Variants in SPTLC2 observed in about 807,000 individuals in gnomAD.
SPTLC2 encodes serine palmitoyltransferase 2.
A neutral mutation model predicts 62.0 loss-of-function variants in SPTLC2; 21 were observed. That is an observed-to-expected ratio of 0.34 (90% CI 0.24 to 0.49). SPTLC2 has a LOEUF of 0.49. SPTLC2 is among the 20% of genes least tolerant of loss of function. The pLI is 0.99. For synonymous variants in SPTLC2, 261 were observed against 261.8 expected (o/e 1.00, Z 0.03); for missense variants, 511 against 713.0 (o/e 0.72, Z 3.23).
intron 8 of SPTLC2, among the ~76,000 whole-genome samples, chr14:77,553,979 A>T (rs1185655922): frequency 6.6e-6 from 1 of 151,922 alleles, no homozygotes; most frequent in African/African-American, 2.4e-5. Flanking sequence ...CACCACACCC[A>T]GCTAATTTTT....
chr14:77,550,882 AG>A (rs1470395257), intron 9 of SPTLC2, among the ~76,000 whole-genome samples: 2 of 149,536 alleles, frequency 1.3e-5, no homozygotes, highest in African/African-American at 4.9e-5. Flanking sequence ...CCAGCCCGGG[AG>A]ACAGAGCAAG....
chr14:77,535,846 A>C, intron 9 of SPTLC2: 1 of 391,026 alleles, frequency 2.6e-6, no homozygotes, highest in South Asian at 1.8e-5. Flanking sequence ...CAGAAATCTA[A>C]GTCAAGTAAA....
intron 9 of SPTLC2, among the ~76,000 whole-genome samples, chr14:77,539,007 GGAT>G (rs927731522): frequency 6.6e-5 from 10 of 151,464 alleles, no homozygotes; most frequent in African/African-American, 2.2e-4. Context: ...ATGGCAATGG[GGAT>G]GATGATGATG....
intron 9 of SPTLC2, among the ~76,000 whole-genome samples, chr14:77,522,433 G>A (rs2079389228): frequency 6.6e-6 from 1 of 152,168 alleles, no homozygotes; most frequent in Admixed American, 6.5e-5. Context: ...AAAGTGCTGG[G>A]ATTACAGACA....
chr14:77,583,199 CAATAAATAAATAAATAAATA>C (rs58888587), intron 2 of SPTLC2, among the ~76,000 whole-genome samples: 1 of 132,484 alleles, frequency 7.5e-6, no homozygotes, highest in Non-Finnish European at 1.6e-5. Flanking sequence ...AAAGCTGTCT[CAATAAATAAATAAATAAATA>C]AATAAATAAA....
chr14:77,601,022 G>A lies in SPTLC2; in HGVS notation c.133-3642C>T, dbSNP rs115405904. ...CATATGTTTCCATAAGACTAAAATTGTCTCGAAGGAGACACAAGAAAATGT... is the reference window on the plus strand; with the variant it reads ...CATATGTTTCCATAAGACTAAAATTATCTCGAAGGAGACACAAGAAAATGT... On this transcript the variant is annotated intron_variant, in intron 1 of 11. Transcript: ENST00000216484. Among the ~76,000 whole-genome samples, 1,457 of 152,266 alleles carry A rather than the reference G, an allele frequency of 9.6e-3. 20 individuals carry two copies. Among genetic ancestry groups the A allele is most frequent in the African/African-American group, 0.033 (1,389 of 41,556 alleles).
At chr14:77,567,248 G>A (rs532977282) in intron 5 of SPTLC2, among the ~76,000 whole-genome samples, 1 of 152,266 alleles carries the variant, frequency 6.6e-6, no homozygotes, top group African/African-American at 2.4e-5. Context: ...GAGCCACTGC[G>A]CCCGGCCCTG....
chr14:77,585,130 C>T (rs2079774176), intron 2 of SPTLC2, among the ~76,000 whole-genome samples: 1 of 152,192 alleles, frequency 6.6e-6, no homozygotes, highest in African/African-American at 2.4e-5. Context: ...AACCTCACTG[C>T]TCTCGCCCCT....
At chr14:77,613,125 A>AAT (rs1460024703) in intron 1 of SPTLC2, among the ~76,000 whole-genome samples, 2 of 152,200 alleles carry the variant, frequency 1.3e-5, no homozygotes, top group Admixed American at 1.3e-4. Flanking sequence ...TATTTCATCA[A>AAT]ATGTTAAATC....
intron 2 of SPTLC2, 34 bp downstream of exon 2, chr14:77,597,152 C>A: frequency 6.2e-7 from 1 of 1,604,864 alleles, no homozygotes; most frequent in East Asian, 2.2e-5. Flanking sequence ...TAAAAGGCTT[C>A]TATTTACAGA....
At chr14:77,543,049 C>T (rs74928751) in intron 9 of SPTLC2, among the ~76,000 whole-genome samples, 10,514 of 152,148 alleles carry the variant, frequency 0.069, 504 homozygotes, top group Admixed American at 0.15. Context: ...GACAGAAAGT[C>T]TTTTGTTTGT....
intron 9 of SPTLC2, 136 bp downstream of exon 9, chr14:77,551,960 T>C (rs550943709): frequency 7.6e-6 from 10 of 1,322,456 alleles, no homozygotes; most frequent in Admixed American, 2.0e-5. Flanking sequence ...TAAAAAAGTG[T>C]CCATGGAAAC....
intron 2 of SPTLC2, among the ~76,000 whole-genome samples, chr14:77,580,691 C>T: frequency 6.6e-6 from 1 of 152,008 alleles, no homozygotes; most frequent in East Asian, 1.9e-4. Flanking sequence ...CCACTGCACT[C>T]CAGTCTGTGC....
chr14:77,552,616 A>C (rs909459858), intron 8 of SPTLC2, among the ~76,000 whole-genome samples: 21 of 151,982 alleles, frequency 1.4e-4, no homozygotes, highest in African/African-American at 5.1e-4. Context: ...GACTGGCCTG[A>C]CCAACATGGT....
At chr14:77,575,688 C>A (rs981716185) in intron 4 of SPTLC2, among the ~76,000 whole-genome samples, 2 of 152,178 alleles carry the variant, frequency 1.3e-5, no homozygotes, top group Non-Finnish European at 1.5e-5. Flanking sequence ...TGCGCCACCA[C>A]GTTCGGCTAC....
At chr14:77,551,087 A>C (rs2079553193) in intron 9 of SPTLC2, among the ~76,000 whole-genome samples, 1 of 152,114 alleles carries the variant, frequency 6.6e-6, no homozygotes, top group South Asian at 2.1e-4. Context: ...AACTGACTTT[A>C]CAAGCATTAA....
At position 77,512,217 on chromosome 14, in the gene SPTLC2, C is replaced by A; in HGVS notation, c.*67G>T. 6.2e-7 allele frequency: 1 copy of A among 1,610,490 alleles called. No individual in the cohort carries two copies. The highest frequency in any genetic ancestry group is 1.1e-5 in the South Asian group (1 of 90,888). On this transcript the variant is annotated 3_prime_UTR_variant, in exon 12 of 12. Transcript: ENST00000216484. The stretch of plus-strand genomic sequence containing the variant: ...GGCCACAGAAGTGTGGTTCCTGGAA[C>A]TGGCTCACAAAGGCCACAGGCTGTC...
At chr14:77,568,615 T>C (rs1475315940) in intron 5 of SPTLC2, among the ~76,000 whole-genome samples, 1 of 152,256 alleles carries the variant, frequency 6.6e-6, no homozygotes, top group African/African-American at 2.4e-5. Context: ...AAGACCATCT[T>C]GGCTAACACG....
At chr14:77,514,261 T>A (rs76207694) in intron 11 of SPTLC2, among the ~76,000 whole-genome samples, 2 of 152,322 alleles carry the variant, frequency 1.3e-5, no homozygotes, top group Middle Eastern at 3.4e-3. Flanking sequence ...GAATCTAGAA[T>A]TTTTTCATCA....
Sources: gnomAD v4.1 joint callset for allele counts (sites outside exome capture counted in the v4.1 genomes callset) on GRCh38, gnomAD v4.1.1 for gene constraint, MANE v1.5 for transcripts, NCBI Gene and HGNC (gene_info 2026-07-23, HGNC 2026-07-21) for gene names.